Variants in MCM9 observed in about 807,000 individuals in gnomAD.
MCM9 encodes minichromosome maintenance 9 homologous recombination repair factor.
Under a neutral mutation model 72.8 loss-of-function variants are expected in MCM9, and 55 were observed. That is an observed-to-expected ratio of 0.76 (90% CI 0.61 to 0.95). The LOEUF (loss-of-function observed/expected upper bound fraction) is 0.95, where lower values mean the gene tolerates loss of function less well. MCM9 is among the 40% of genes least tolerant of loss of function. MCM9 has a pLI of 0.00. For missense variants in MCM9, 1,279 were observed against 1,377.0 expected, an observed-to-expected ratio of 0.93 and a Z score of 1.13; for synonymous variants, 480 against 503.4, an observed-to-expected ratio of 0.95 and a Z score of 0.62.
At chr6:118,922,884 T>C (rs1781545018) in intron 4 of MCM9, among the ~76,000 whole-genome samples, 1 of 151,578 alleles carries the variant, frequency 6.6e-6, no homozygotes, top group Non-Finnish European at 1.5e-5. Flanking sequence ...AATACAGAAT[T>C]AGCCAGGCGA....
At chr6:118,881,971 T>C (rs1289163142) in intron 8 of MCM9, among the ~76,000 whole-genome samples, 4 of 152,156 alleles carry the variant, frequency 2.6e-5, no homozygotes, top group Non-Finnish European at 5.9e-5. Flanking sequence ...AGGGATAAGA[T>C]ATCGTACCAG....
intron 8 of MCM9, chr6:118,907,582 G>C (rs746069451): frequency 6.2e-7 from 1 of 1,613,590 alleles, no homozygotes; most frequent in East Asian, 2.2e-5. Flanking sequence ...CTCACTAAAT[G>C]TCATGTTAGA....
intron 8 of MCM9, among the ~76,000 whole-genome samples, chr6:118,902,728 A>C (rs538614173): frequency 6.6e-6 from 1 of 152,202 alleles, no homozygotes; most frequent in Admixed American, 6.5e-5. Flanking sequence ...GTCAGTGTAC[A>C]TGTTGCCAAA....
chr6:118,914,080 C>G (rs1780756096), intron 6 of MCM9, among the ~76,000 whole-genome samples: 1 of 152,126 alleles, frequency 6.6e-6, no homozygotes, highest in Non-Finnish European at 1.5e-5. Context: ...AGTAAAAAAT[C>G]CACCCTCCAA....
intron 8 of MCM9, among the ~76,000 whole-genome samples, chr6:118,884,402 C>A (rs1778474163): frequency 6.6e-6 from 1 of 151,428 alleles, no homozygotes; most frequent in African/African-American, 2.4e-5. Context: ...CTATAACAAC[C>A]ACTAAGGAAA....
chr6:118,842,710 G>T (rs549572175), intron 9 of MCM9, among the ~76,000 whole-genome samples: 11 of 152,048 alleles, frequency 7.2e-5, no homozygotes, highest in Non-Finnish European at 1.6e-4. Flanking sequence ...TGAAGAAAAG[G>T]GGTCTCATTA....
rs1782804170 is a variant in MCM9 at position 118,935,073 on chromosome 6, C to A, written c.-332G>T. On this transcript the variant is annotated 5_prime_UTR_variant, in exon 1 of 14. Coordinates refer to ENST00000619706, the MANE Select transcript of MCM9 (RefSeq NM_017696.3). ...GCGCGGGCTGTGTCGGGCGGCCTAG[C>A]GCCTGCGGCTCTGCCGGGCCTGCGC... The A allele has an allele frequency of 6.6e-6, 1 of 152,098 alleles. No homozygotes were observed. The highest frequency in any genetic ancestry group is 2.1e-4 in the South Asian group (1 of 4,838). 9.4% of individuals were successfully genotyped at this position (152,098 alleles called of 1,614,324 possible). A position where few individuals can be genotyped will look rare whatever the true frequency, so the allele number is the denominator to read the frequency against.
chr6:118,917,841 T>C, intron 5 of MCM9, 80 bp from the exon 6 acceptor site: 1 of 1,272,588 alleles, frequency 7.9e-7, no homozygotes, highest in Non-Finnish European at 1.1e-6. Context: ...GGACCAGAAA[T>C]TAGAAATAAA....
At chr6:118,912,360 AT>A (rs1780616705) in intron 7 of MCM9, 1 of 152,190 alleles carries the variant, frequency 6.6e-6, no homozygotes, top group Non-Finnish European at 1.5e-5. Flanking sequence ...ATTTATGAAA[AT>A]TTTAGTAACT....
intron 8 of MCM9, among the ~76,000 whole-genome samples, chr6:118,860,851 C>T (rs1233331356): frequency 6.6e-6 from 1 of 152,162 alleles, no homozygotes; most frequent in Non-Finnish European, 1.5e-5. Context: ...ATTTGTTGTG[C>T]ACTTTATTTC....
At chr6:118,902,408 T>C (rs573174804) in intron 8 of MCM9, among the ~76,000 whole-genome samples, 11 of 152,328 alleles carry the variant, frequency 7.2e-5, no homozygotes, top group African/African-American at 2.6e-4. Flanking sequence ...TCTCTTAACT[T>C]CTTGAAATTG....
At position 118,870,177 on chromosome 6, in the gene MCM9, C is replaced by T. The variant is rs555301542; in HGVS notation, c.1151-13632G>A. Among the ~76,000 whole-genome samples, 19 of 152,258 alleles carry T rather than the reference C, an allele frequency of 1.2e-4. No homozygotes were observed. In the South Asian group the frequency reaches 3.9e-3, roughly 32 times the overall value. Reference sequence around the variant, plus strand: ...ACTTACCAGACATATACAGAACATTCCACTCAACAGCAGTAGAATACACAT... The same window carrying T: ...ACTTACCAGACATATACAGAACATTTCACTCAACAGCAGTAGAATACACAT... On this transcript the variant is annotated intron_variant, in intron 8 of 13. Coordinates refer to ENST00000619706, the MANE Select transcript of MCM9 (RefSeq NM_017696.3).
chr6:118,852,028 G>A (rs1035472477), intron 9 of MCM9, among the ~76,000 whole-genome samples: 1 of 152,140 alleles, frequency 6.6e-6, no homozygotes, highest in Non-Finnish European at 1.5e-5. Flanking sequence ...AGTGTACTTA[G>A]ACAAACCTGG....
intron 9 of MCM9, among the ~76,000 whole-genome samples, chr6:118,855,787 T>C (rs548839291): frequency 1.3e-5 from 2 of 152,310 alleles, no homozygotes; most frequent in South Asian, 4.2e-4. Flanking sequence ...CCTATAACCA[T>C]TTCAGTGCCT....
chr6:118,924,556 G>A (rs1378774529), intron 3 of MCM9, among the ~76,000 whole-genome samples: 1 of 152,160 alleles, frequency 6.6e-6, no homozygotes, highest in African/African-American at 2.4e-5. Context: ...GACCGATAAA[G>A]AGATGGTAGC....
intron 9 of MCM9, among the ~76,000 whole-genome samples, chr6:118,835,606 G>A (rs968288832): frequency 3.9e-5 from 6 of 152,064 alleles, no homozygotes; most frequent in African/African-American, 1.2e-4. Flanking sequence ...TATTCTCTTT[G>A]TAGCAATTGT....
At chr6:118,839,857 C>T (rs747394812) in intron 9 of MCM9, among the ~76,000 whole-genome samples, 3 of 152,144 alleles carry the variant, frequency 2.0e-5, no homozygotes, top group Non-Finnish European at 4.4e-5. Context: ...AGGTGTCTGT[C>T]GACCCCTGCT....
chr6:118,838,901 T>C (rs558561383), intron 9 of MCM9, among the ~76,000 whole-genome samples: 2 of 152,268 alleles, frequency 1.3e-5, no homozygotes, highest in South Asian at 2.1e-4. Flanking sequence ...CTGACAATTA[T>C]GTGTTTCAGG....
Position 118,871,688 on chromosome 6 carries a change from G to A in MCM9, c.1151-15143C>T, listed in dbSNP as rs1349746102. 2.6e-5 allele frequency among the ~76,000 whole-genome samples: 4 copies of A among 152,136 alleles called. No homozygotes were observed. The South Asian group carries it at 6.2e-4, about 24-fold the overall frequency. Reference sequence around the variant, plus strand: ...TCCCAACACACTGGGAGGCCAAGGCGGGCAGATCACGAGGTCAGGAGATAG... The same window carrying A: ...TCCCAACACACTGGGAGGCCAAGGCAGGCAGATCACGAGGTCAGGAGATAG... On this transcript the variant is annotated intron_variant, in intron 8 of 13. Coordinates refer to ENST00000619706, the MANE Select transcript of MCM9 (RefSeq NM_017696.3).
Sources: allele counts gnomAD v4.1 joint callset (sites outside exome capture counted in the v4.1 genomes callset), GRCh38; gene constraint gnomAD v4.1.1; transcripts MANE v1.5; gene names NCBI Gene and HGNC (gene_info 2026-07-23, HGNC 2026-07-21).